The following PC variants were observed in gnomAD, a reference collection of about 807,000 sequenced individuals.
PC encodes pyruvate carboxylase, also known as pyruvate carboxylase, mitochondrial.
In PC, 46 loss-of-function variants were observed where a neutral mutation model predicts 107.8. That is an observed-to-expected ratio of 0.43 (90% CI 0.34 to 0.55). The LOEUF is 0.55. Ranked by LOEUF, PC falls within the 20% of genes least tolerant of loss-of-function variation. The pLI, the probability that PC is intolerant of heterozygous loss-of-function variation, is 0.04. For synonymous variants in PC, 662 were observed against 684.7 expected (o/e 0.97, Z 0.52); for missense variants, 1,241 against 1,643.1 (o/e 0.76, Z 4.23).
intron 12 of PC, among the ~76,000 whole-genome samples, chr11:66,854,931 A>G (rs1159174707): frequency 2.0e-5 from 3 of 152,202 alleles, no homozygotes; most frequent in Non-Finnish European, 4.4e-5. Flanking sequence ...GGAGGCAGCT[A>G]ATGAAACCAT....
At chr11:66,855,467 T>C (rs552213357) in intron 12 of PC, among the ~76,000 whole-genome samples, 1 of 152,212 alleles carries the variant, frequency 6.6e-6, no homozygotes, top group East Asian at 1.9e-4. Flanking sequence ...CCCGGCTAAT[T>C]TTTGTATTTT....
At chr11:66,935,668 T>C (rs1199549551) in intron 3 of PC, among the ~76,000 whole-genome samples, 2 of 152,196 alleles carry the variant, frequency 1.3e-5, no homozygotes, top group African/African-American at 4.8e-5. Context: ...GGTTTGCTGC[T>C]GTCAGAGCTT....
At chr11:66,920,135 C>A (rs979870087) in intron 3 of PC, among the ~76,000 whole-genome samples, 2 of 152,122 alleles carry the variant, frequency 1.3e-5, no homozygotes, top group African/African-American at 4.8e-5. Flanking sequence ...GAGTATACCA[C>A]GCCTCTTGCT....
chr11:66,860,313 C>G, intron 12 of PC: 1 of 1,409,472 alleles, frequency 7.1e-7, no homozygotes, highest in Non-Finnish European at 9.7e-7. Context: ...TCAGGCTCCC[C>G]TGTGTACTTG....
Position 66,857,732 on chromosome 11 carries a change from C to T in PC, c.1369-4349G>A, listed in dbSNP as rs1190852059. On this transcript the variant is annotated intron_variant, in intron 12 of 22. Coordinates refer to ENST00000393960, the MANE Select transcript of PC (RefSeq NM_001040716.2). The surrounding 1 kb of genome is among the most constrained non-coding windows in gnomAD (Gnocchi z 7.1). ...GTGCCTGGGCTGTGGCCCCTTCCTA[C>T]AGGGCGCTCACCATGGCCCCGCCGC... The T allele has an allele frequency of 6.3e-7, 1 of 1,583,398 alleles. No individual in the cohort carries two copies. The highest frequency in any genetic ancestry group is 8.5e-7 in the Non-Finnish European group (1 of 1,170,876).
intron 3 of PC, among the ~76,000 whole-genome samples, chr11:66,908,202 G>A (rs1948224361): frequency 1.3e-5 from 2 of 152,300 alleles, no homozygotes; most frequent in South Asian, 4.1e-4. Context: ...GAGAGAGACA[G>A]GGCATCTGGC....
chr11:66,949,761 T>C (rs939639369), intron 3 of PC, among the ~76,000 whole-genome samples: 5 of 152,254 alleles, frequency 3.3e-5, no homozygotes, highest in Non-Finnish European at 7.3e-5. Context: ...GCTACACTTA[T>C]AAGCTAAACT....
At chr11:66,890,092 A>G (rs1300015989) in intron 3 of PC, among the ~76,000 whole-genome samples, 6 of 152,134 alleles carry the variant, frequency 3.9e-5, no homozygotes, top group Non-Finnish European at 7.4e-5. Context: ...ACCCTAACCA[A>G]TGTGGCAGTG....
chr11:66,917,446 G>A (rs1263075440), intron 3 of PC, among the ~76,000 whole-genome samples: 1 of 152,110 alleles, frequency 6.6e-6, no homozygotes, highest in Non-Finnish European at 1.5e-5. Flanking sequence ...GGTTTCCAGA[G>A]ATCACCCTTC....
chr11:66,890,940 G>A (rs752608335), intron 3 of PC, among the ~76,000 whole-genome samples: 2 of 152,078 alleles, frequency 1.3e-5, no homozygotes, highest in South Asian at 2.1e-4. Flanking sequence ...AAAAGTAGTC[G>A]ATTAAAAGTG....
At position 66,866,353 on chromosome 11, in the gene PC, T is replaced by C. The variant is rs1294415190; in HGVS notation, c.1023-4A>G. On this transcript the variant is annotated splice_region_variant and splice_polypyrimidine_tract_variant and intron_variant, in intron 10 of 22. Transcript: ENST00000393960. This position sits in a 1 kb window ranked among gnomAD's most constrained non-coding sequence, Gnocchi z 5.4. ...CTGAGCATGGACCAGGTCTACGCTG[T>C]AGGGCATTGGGGGGAGGGGGGAAAG... The C allele has an allele frequency of 1.0e-5, 16 of 1,540,624 alleles. No homozygotes were observed. Among genetic ancestry groups the C allele is most frequent in the African/African-American group, 3.0e-5 (2 of 65,968 alleles).
rs770888084 is a variant in PC at position 66,866,321 on chromosome 11, C to T, written c.1051G>A (p.Val351Met). ...DVDLVHAQIHVAEGRSLPDLG... is the reference protein window; with the variant it reads ...DVDLVHAQIHMAEGRSLPDLG... ...TCGGGTAGGCTCCTGCCCTCAGCCA[C>T]GTGGATCTGAGCATGGACCAGGTCT... The change falls in exon 11 of 23, where the codon GTG becomes ATG. Residue 351 changes from valine (V) to methionine (M), a missense_variant. Coordinates refer to ENST00000393960, the MANE Select transcript of PC (RefSeq NM_001040716.2). This position sits in a 1 kb window ranked among gnomAD's most constrained non-coding sequence, Gnocchi z 5.4. The T allele has an allele frequency of 4.3e-6, 7 of 1,609,554 alleles. No homozygotes were observed. Among genetic ancestry groups the T allele is most frequent in the East Asian group, 4.5e-5 (2 of 44,696 alleles).
chr11:66,853,646 G>A (rs1591128286), intron 12 of PC, among the ~76,000 whole-genome samples: 1 of 152,094 alleles, frequency 6.6e-6, no homozygotes, highest in South Asian at 2.1e-4. Context: ...CTGCCTCCCC[G>A]CAGCCTAGAA....
At chr11:66,930,298 C>T (rs1325489507) in intron 3 of PC, among the ~76,000 whole-genome samples, 1 of 152,176 alleles carries the variant, frequency 6.6e-6, no homozygotes, top group Non-Finnish European at 1.5e-5. Flanking sequence ...ATACTCAGTG[C>T]TCCTACTGAT....
At chr11:66,926,989 G>T (rs1948732454) in intron 3 of PC, among the ~76,000 whole-genome samples, 1 of 150,644 alleles carries the variant, frequency 6.6e-6, no homozygotes, top group South Asian at 2.1e-4. Context: ...TCCACCTTTT[G>T]GCTCTTTTTT....
At chr11:66,922,502 A>T (rs1948618508) in intron 3 of PC, among the ~76,000 whole-genome samples, 1 of 146,618 alleles carries the variant, frequency 6.8e-6, no homozygotes, top group African/African-American at 2.5e-5. Flanking sequence ...TGAACCCAGA[A>T]GGTGGAGGTT....
At chr11:66,913,459 C>T (rs1335355403) in intron 3 of PC, among the ~76,000 whole-genome samples, 2 of 151,474 alleles carry the variant, frequency 1.3e-5, no homozygotes, top group African/African-American at 2.4e-5. Flanking sequence ...CTGAGGTGGG[C>T]GGAACACAAG....
In PC at chr11:66,911,856, C is replaced by T. The variant is rs146189652; in HGVS notation, c.1-39697G>A. On this transcript the variant is annotated intron_variant, in intron 3 of 22. Coordinates refer to ENST00000393960, the MANE Select transcript of PC (RefSeq NM_001040716.2). ...GACCAGCCTGACCAATATAGTGAAA[C>T]CCCCATCTCTACTAAAAATACAAAA... is the stretch of plus-strand genomic sequence containing the variant. Among the ~76,000 whole-genome samples, 220 of 151,902 alleles carry T rather than the reference C, an allele frequency of 1.4e-3. 5 individuals are homozygous for T. The East Asian group carries it at 0.04, about 27-fold the overall frequency.
intron 3 of PC, among the ~76,000 whole-genome samples, chr11:66,887,103 G>A (rs1055754381): frequency 2.0e-5 from 3 of 152,176 alleles, no homozygotes; most frequent in Admixed American, 6.5e-5. Flanking sequence ...TCCAGGCAGC[G>A]AACTGGAAGC....
Sources: gnomAD v4.1 joint callset for allele counts (sites outside exome capture counted in the v4.1 genomes callset) on GRCh38, gnomAD v4.1.1 for gene constraint, Gnocchi (gnomAD v3.1) non-coding constraint, MANE v1.5 for transcripts, NCBI Gene and HGNC (gene_info 2026-07-23, HGNC 2026-07-21) for gene names.